The following KLHL32 variants were observed in gnomAD, a reference collection of about 807,000 sequenced individuals.
The protein encoded by KLHL32 is kelch-like protein 32.
A neutral mutation model predicts 64.8 loss-of-function variants in KLHL32; 35 were observed. The observed-to-expected ratio is 0.54, with a 90% CI of 0.41 to 0.72. KLHL32 has a LOEUF of 0.72. Among genes scored for constraint, KLHL32 ranks in the 30% least tolerant of loss-of-function variants. The pLI, the probability that KLHL32 is intolerant of heterozygous loss-of-function variation, is 0.00. For synonymous variants in KLHL32, 259 were observed against 281.0 expected (o/e 0.92, Z 0.78); for missense variants, 589 against 768.5 (o/e 0.77, Z 2.76).
intron 1 of KLHL32, among the ~76,000 whole-genome samples, chr6:96,943,474 C>A (rs984980644): frequency 6.6e-6 from 1 of 152,106 alleles, no homozygotes; most frequent in African/African-American, 2.4e-5. Flanking sequence ...TTACTGCTGA[C>A]CCCCAATGTT....
intron 3 of KLHL32, among the ~76,000 whole-genome samples, chr6:97,025,587 A>C (rs1022109016): frequency 6.6e-6 from 1 of 152,206 alleles, no homozygotes; most frequent in Non-Finnish European, 1.5e-5. Flanking sequence ...GGAGGTCTGT[A>C]AGTCTAAACA....
intron 6 of KLHL32, among the ~76,000 whole-genome samples, chr6:97,096,280 C>G (rs1474293079): frequency 2.6e-5 from 4 of 152,180 alleles, no homozygotes; most frequent in African/African-American, 4.8e-5. Context: ...CACACACTTG[C>G]AGGTAGACAC....
At chr6:97,017,104 G>T (rs1221163675) in intron 3 of KLHL32, among the ~76,000 whole-genome samples, 1 of 152,080 alleles carries the variant, frequency 6.6e-6, no homozygotes, top group African/African-American at 2.4e-5. Context: ...AATGTTAACT[G>T]GTTTTTAAAG....
intron 1 of KLHL32, among the ~76,000 whole-genome samples, chr6:96,939,037 A>G (rs1014502925): frequency 6.6e-6 from 1 of 152,092 alleles, no homozygotes; most frequent in African/African-American, 2.4e-5. Context: ...TTTTTTGACC[A>G]CCATCTACAT....
intron 2 of KLHL32, among the ~76,000 whole-genome samples, chr6:96,975,590 A>G (rs1483565705): frequency 3.9e-5 from 6 of 152,138 alleles, no homozygotes; most frequent in Non-Finnish European, 5.9e-5. Context: ...GAGGGGACAG[A>G]GTGGGAAGGG....
chr6:97,049,557 C>T (rs1385466056), intron 4 of KLHL32, among the ~76,000 whole-genome samples: 4 of 129,328 alleles, frequency 3.1e-5, no homozygotes, highest in South Asian at 2.3e-4. Flanking sequence ...TAACTGAAAC[C>T]GTAGAAAGCG....
chr6:97,000,333 A>G lies in KLHL32; in HGVS notation c.204+24156A>G, dbSNP rs149003211. 7.9e-4 allele frequency among the ~76,000 whole-genome samples: 120 copies of G among 152,312 alleles called. 2 individuals are homozygous for G. Among genetic ancestry groups the G allele is most frequent in the South Asian group, 7.9e-3 (38 of 4,832 alleles). Reference sequence around the variant, plus strand: ...AAGTGCCTGTTAACTATGCATGCTGATGAGCTACAGGATGTAAATGAACTA... The same window carrying G: ...AAGTGCCTGTTAACTATGCATGCTGGTGAGCTACAGGATGTAAATGAACTA... On this transcript the variant is annotated intron_variant, in intron 3 of 10. Coordinates refer to ENST00000369261, the MANE Select transcript of KLHL32 (RefSeq NM_052904.4).
intron 4 of KLHL32, among the ~76,000 whole-genome samples, chr6:97,058,335 T>G (rs1339859909): frequency 6.6e-6 from 1 of 152,246 alleles, no homozygotes; most frequent in South Asian, 2.1e-4. Flanking sequence ...TGGGAAGAAC[T>G]GACATCTTGA....
At chr6:97,083,758 G>T (rs557648954) in intron 5 of KLHL32, among the ~76,000 whole-genome samples, 7 of 151,982 alleles carry the variant, frequency 4.6e-5, no homozygotes, top group African/African-American at 1.7e-4. Context: ...ACTAGAAATG[G>T]CACTCTTTCT....
At chr6:97,048,243 AATT>A (rs1487163078) in intron 4 of KLHL32, among the ~76,000 whole-genome samples, 5 of 152,200 alleles carry the variant, frequency 3.3e-5, no homozygotes, top group African/African-American at 9.7e-5. Flanking sequence ...GCTGTGAACC[AATT>A]ATGTCATATC....
chr6:97,059,503 CA>C (rs1055536871), intron 4 of KLHL32, among the ~76,000 whole-genome samples: 1 of 152,222 alleles, frequency 6.6e-6, no homozygotes, highest in Non-Finnish European at 1.5e-5. Flanking sequence ...AATATGATCA[CA>C]ACATTTAGAA....
chr6:96,950,489 A>G (rs1280554395), intron 1 of KLHL32, among the ~76,000 whole-genome samples: 1 of 144,248 alleles, frequency 6.9e-6, no homozygotes, highest in Non-Finnish European at 1.5e-5. Context: ...AGCTTTTATC[A>G]GTTGTCACGT....
At chr6:96,963,561 G>C (rs1034152678) in intron 1 of KLHL32, among the ~76,000 whole-genome samples, 2 of 152,146 alleles carry the variant, frequency 1.3e-5, no homozygotes, top group African/African-American at 4.8e-5. Flanking sequence ...GTGCTGAGGA[G>C]GCATATTTTG....
At chr6:96,929,175 C>T (rs1344990946) in intron 1 of KLHL32, among the ~76,000 whole-genome samples, 9 of 152,048 alleles carry the variant, frequency 5.9e-5, no homozygotes, top group Non-Finnish European at 1.2e-4. Flanking sequence ...AAATAGAAGG[C>T]GTCATAGCTA....
intron 3 of KLHL32, among the ~76,000 whole-genome samples, chr6:97,031,509 T>G (rs2128116078): frequency 6.6e-6 from 1 of 152,074 alleles, no homozygotes; most frequent in East Asian, 1.9e-4. Context: ...CTAATTTTTT[T>G]TTATTGTTTG....
intron 4 of KLHL32, among the ~76,000 whole-genome samples, chr6:97,051,227 A>T (rs1286635822): frequency 2.0e-5 from 3 of 152,112 alleles, no homozygotes; most frequent in Admixed American, 1.3e-4. Flanking sequence ...TGTTTTAACC[A>T]TATCTCCCTT....
At chr6:96,952,505 G>A (rs895451863) in intron 1 of KLHL32, among the ~76,000 whole-genome samples, 1 of 152,118 alleles carries the variant, frequency 6.6e-6, no homozygotes, top group Non-Finnish European at 1.5e-5. Context: ...CCTAGGTGTA[G>A]GCCCAGCTAA....
At chr6:96,941,539 T>C (rs1008023725) in intron 1 of KLHL32, among the ~76,000 whole-genome samples, 11 of 152,302 alleles carry the variant, frequency 7.2e-5, no homozygotes, top group South Asian at 2.1e-4. Flanking sequence ...CTGAGAAGCA[T>C]TGATATTATT....
At chr6:96,902,775 G>C in the KLHL32 span, among the ~76,000 whole-genome samples, 1 of 152,182 alleles carries the variant, frequency 6.6e-6, no homozygotes, top group Non-Finnish European at 1.5e-5. Context: ...TATGGTGTAA[G>C]GAAGGGGTCC....
Sources: gnomAD v4.1 joint callset for allele counts (sites outside exome capture counted in the v4.1 genomes callset) on GRCh38, gnomAD v4.1.1 for gene constraint, MANE v1.5 for transcripts, NCBI Gene and HGNC (gene_info 2026-07-23, HGNC 2026-07-21) for gene names.